Variants in RBPMS observed in about 807,000 individuals in gnomAD.
The protein encoded by RBPMS is RNA-binding protein with multiple splicing.
In RBPMS, 7 loss-of-function variants were observed where a neutral mutation model predicts 26.8. The ratio of observed to expected loss-of-function variants is 0.26; its 90% CI spans 0.15 to 0.49. RBPMS has a LOEUF of 0.49. Ranked by LOEUF, RBPMS falls within the 20% of genes least tolerant of loss-of-function variation. The pLI is 0.98. For synonymous variants in RBPMS, 96 were observed against 93.3 expected (o/e 1.03, Z -0.17); for missense variants, 186 against 250.0 (o/e 0.74, Z 1.73).
intron 6 of RBPMS, among the ~76,000 whole-genome samples, chr8:30,551,181 TGA>T (rs35462252): frequency 0.23 from 34,867 of 152,036 alleles, 4,534 homozygotes; most frequent in East Asian, 0.39. Context: ...TCATTTGCAG[TGA>T]GAGAGACATC....
At chr8:30,529,662 AC>A (rs1190595756) in intron 5 of RBPMS, among the ~76,000 whole-genome samples, 1 of 152,032 alleles carries the variant, frequency 6.6e-6, no homozygotes, top group East Asian at 1.9e-4. Flanking sequence ...GTGGAGTCAT[AC>A]AATATTTGTC....
At chr8:30,556,599 C>CA in intron 6 of RBPMS, 1 of 986,496 alleles carries the variant, frequency 1.0e-6, no homozygotes, top group South Asian at 4.7e-5. Flanking sequence ...CCAGTCACAC[C>CA]ACTGCGCTCC....
chr8:30,469,749 C>T (rs1393038921), intron 1 of RBPMS, among the ~76,000 whole-genome samples: 1 of 152,222 alleles, frequency 6.6e-6, no homozygotes, highest in East Asian at 1.9e-4. Flanking sequence ...AATGCTTTGA[C>T]CTGCTGCAAA....
In RBPMS at chr8:30,430,385, A is replaced by C. The variant is rs1180458457; in HGVS notation, c.67-44394A>C. Among the ~76,000 whole-genome samples, 4 of 152,220 alleles carry C rather than the reference A, an allele frequency of 2.6e-5. No homozygotes were observed. In the East Asian group the frequency reaches 7.7e-4, roughly 29 times the overall value. The stretch of plus-strand genomic sequence containing the variant: ...TGGTTCTATTCTGTAACATGGAACC[A>C]AGGTATTTGCAAGCTGACAGCGAAG... On this transcript the variant is annotated intron_variant, in intron 1 of 8. Coordinates refer to ENST00000397323, the MANE Select transcript of RBPMS (RefSeq NM_001008710.3).
intron 6 of RBPMS, among the ~76,000 whole-genome samples, chr8:30,548,883 A>G (rs890393565): frequency 6.6e-6 from 1 of 152,252 alleles, no homozygotes; most frequent in African/African-American, 2.4e-5. Context: ...TGTAGGAAAT[A>G]ACTGAGAAAA....
At chr8:30,542,883 C>T (rs375607511) in intron 5 of RBPMS, among the ~76,000 whole-genome samples, 2 of 152,200 alleles carry the variant, frequency 1.3e-5, no homozygotes, top group African/African-American at 4.8e-5. Flanking sequence ...GCTACAGGCA[C>T]CTACACACCC....
chr8:30,447,452 A>T (rs1282055816), intron 1 of RBPMS, among the ~76,000 whole-genome samples: 1 of 152,200 alleles, frequency 6.6e-6, no homozygotes, highest in Non-Finnish European at 1.5e-5. Context: ...TGAATTTTGG[A>T]TACTCATCAT....
At chr8:30,419,389 T>C (rs1410009498) in intron 1 of RBPMS, among the ~76,000 whole-genome samples, 1 of 151,746 alleles carries the variant, frequency 6.6e-6, no homozygotes, top group East Asian at 1.9e-4. Context: ...GAGGTAGCAG[T>C]GAGCCAAGAT....
intron 4 of RBPMS, among the ~76,000 whole-genome samples, chr8:30,501,431 G>A (rs115909693): frequency 7.3e-5 from 11 of 151,628 alleles, no homozygotes; most frequent in African/African-American, 1.5e-4. Flanking sequence ...TATACTGGAC[G>A]AACAAGAATA....
chr8:30,411,178 G>C (rs1329869211), intron 1 of RBPMS, among the ~76,000 whole-genome samples: 1 of 152,202 alleles, frequency 6.6e-6, no homozygotes, highest in African/African-American at 2.4e-5. Context: ...TTGGCGAATA[G>C]AAACAAACTT....
At chr8:30,473,941 T>G (rs1291034287) in intron 1 of RBPMS, among the ~76,000 whole-genome samples, 1 of 151,986 alleles carries the variant, frequency 6.6e-6, no homozygotes, top group Admixed American at 6.6e-5. Flanking sequence ...TGTCGGGGGC[T>G]TGAGGGGAGG....
chr8:30,506,516 C>T (rs1563387280), intron 5 of RBPMS, among the ~76,000 whole-genome samples: 1 of 152,136 alleles, frequency 6.6e-6, no homozygotes, highest in Non-Finnish European at 1.5e-5. Flanking sequence ...GAACTGGGAA[C>T]TTGACCGTCA....
chr8:30,474,052 C>T (rs1011377143), intron 1 of RBPMS, among the ~76,000 whole-genome samples: 1 of 152,008 alleles, frequency 6.6e-6, no homozygotes, highest in African/African-American at 2.4e-5. Flanking sequence ...ACCTTTGTAA[C>T]CTGTACATCC....
intron 1 of RBPMS, among the ~76,000 whole-genome samples, chr8:30,461,667 T>C (rs1474126915): frequency 6.6e-6 from 1 of 152,190 alleles, no homozygotes; most frequent in Non-Finnish European, 1.5e-5. Flanking sequence ...AGTGCTGGGA[T>C]TACAGGTGTG....
At chr8:30,529,062 A>T (rs1259732192) in intron 5 of RBPMS, among the ~76,000 whole-genome samples, 1 of 151,990 alleles carries the variant, frequency 6.6e-6, no homozygotes, top group Non-Finnish European at 1.5e-5. Flanking sequence ...ACCAAAAAAA[A>T]ATTAAAAATT....
intron 7 of RBPMS, among the ~76,000 whole-genome samples, chr8:30,560,375 A>G (rs1211413351): frequency 6.6e-6 from 1 of 152,136 alleles, no homozygotes; most frequent in Non-Finnish European, 1.5e-5. Flanking sequence ...GAGATGAGTA[A>G]TGGGCATGAG....
intron 6 of RBPMS, 80 bp from the exon 7 acceptor site, chr8:30,558,807 G>A (rs141750878): frequency 8.4e-7 from 1 of 1,195,588 alleles, no homozygotes; most frequent in African/African-American, 1.5e-5. Flanking sequence ...GTAGGGAAGT[G>A]GTAGCCAAGC....
chr8:30,528,783 C>T (rs886272872), intron 5 of RBPMS, among the ~76,000 whole-genome samples: 4 of 152,158 alleles, frequency 2.6e-5, no homozygotes, highest in Non-Finnish European at 4.4e-5. Context: ...CCAAGTCTGT[C>T]AGGTCACAGA....
intron 1 of RBPMS, among the ~76,000 whole-genome samples, chr8:30,451,893 A>G (rs1389085826): frequency 1.3e-5 from 2 of 152,202 alleles, no homozygotes; most frequent in African/African-American, 2.4e-5. Flanking sequence ...AAACCATCAT[A>G]TAATGATTGT....
Sources: gnomAD v4.1 joint callset for allele counts (sites outside exome capture counted in the v4.1 genomes callset) on GRCh38, gnomAD v4.1.1 for gene constraint, MANE v1.5 for transcripts, NCBI Gene and HGNC (gene_info 2026-07-23, HGNC 2026-07-21) for gene names.